GRIK1: variants seen among roughly 807,000 people sequenced by gnomAD.
The protein encoded by GRIK1 is glutamate ionotropic receptor kainate type subunit 1, also known as glutamate receptor ionotropic, kainate 1.
Under a neutral mutation model 105.7 loss-of-function variants are expected in GRIK1, and 69 were observed. The ratio of observed to expected loss-of-function variants is 0.65; its 90% CI spans 0.54 to 0.80. GRIK1 has a LOEUF of 0.80. Among genes scored for constraint, GRIK1 ranks in the 30% least tolerant of loss-of-function variants. GRIK1 has a pLI of 0.00. For missense variants in GRIK1, 1,109 were observed against 1,167.3 expected, an observed-to-expected ratio of 0.95 and a Z score of 0.73; for synonymous variants, 438 against 431.3, an observed-to-expected ratio of 1.02 and a Z score of -0.19.
intron 1 of GRIK1, among the ~76,000 whole-genome samples, chr21:29,784,122 C>G (rs2066197655): frequency 6.6e-6 from 1 of 152,114 alleles, no homozygotes; most frequent in Admixed American, 6.6e-5. Context: ...TGTTACGTAT[C>G]TTACCTTTTG....
rs892336819 is a variant in GRIK1 at position 29,589,000 on chromosome 21, A to G, written c.1408T>C (p.Tyr470His). Reference protein sequence around the residue: ...VMYRKSDKPLYGNDRFEGYCL... With the variant: ...VMYRKSDKPLHGNDRFEGYCL... ...TATCCTTCAAATCTGTCATTTCCAT[A>G]TAGAGGCTTATCAGATTTCCTGTAC... Residue 470 changes from tyrosine (Y) to histidine (H), a missense_variant, in exon 11 of 18, where the codon TAT becomes CAT. Transcript: ENST00000327783. The G allele has an allele frequency of 1.2e-6, 2 of 1,603,938 alleles. No homozygotes were observed. Among genetic ancestry groups the G allele is most frequent in the Non-Finnish European group, 1.7e-6 (2 of 1,170,702 alleles).
chr21:29,598,908 GA>G lies in GRIK1; in HGVS notation c.1127del (p.Ile376ThrfsTer9). ...EARWDGLTGH[I>X]TFNKTNGLRK... is the part of the protein sequence containing the mutation. ...TCAAGCCATTGGTTTTATTAAAGGT[GA>G]TATGCCCAGTCAAGCCATCCCACCG... On this transcript the variant is annotated frameshift_variant, in exon 8 of 18. Transcript: ENST00000327783. LOFTEE classifies it high-confidence loss of function. The G allele has an allele frequency of 6.3e-7, 1 of 1,589,596 alleles. No individual in the cohort carries two copies. Among genetic ancestry groups the G allele is most frequent in the Non-Finnish European group, 8.6e-7 (1 of 1,162,112 alleles).
At chr21:29,707,163 C>G (rs1817200686) in intron 1 of GRIK1, among the ~76,000 whole-genome samples, 3 of 152,158 alleles carry the variant, frequency 2.0e-5, no homozygotes, top group Non-Finnish European at 4.4e-5. Context: ...CGCGCCCGGG[C>G]TATTCCAGGC....
At chr21:29,682,093 A>G (rs571746320) in intron 3 of GRIK1, among the ~76,000 whole-genome samples, 7 of 152,288 alleles carry the variant, frequency 4.6e-5, no homozygotes, top group Admixed American at 2.0e-4. Context: ...TTGGAGAGAA[A>G]TGCAATTCAT....
chr21:29,593,805 C>CG (rs1261251215), intron 9 of GRIK1, among the ~76,000 whole-genome samples: 2 of 152,152 alleles, frequency 1.3e-5, no homozygotes, highest in African/African-American at 4.8e-5. Context: ...TGTTCAATAG[C>CG]CTAGCAATAT....
chr21:29,729,308 A>G (rs2064550831), intron 1 of GRIK1, among the ~76,000 whole-genome samples: 1 of 152,100 alleles, frequency 6.6e-6, no homozygotes, highest in African/African-American at 2.4e-5. Context: ...GTCAGCAGAA[A>G]AGTCAAAAAA....
intron 4 of GRIK1, among the ~76,000 whole-genome samples, chr21:29,667,356 A>G (rs1288669827): frequency 6.6e-6 from 1 of 152,226 alleles, no homozygotes; most frequent in African/African-American, 2.4e-5. Context: ...TTGTCATTGC[A>G]CTTTCTAGCA....
chr21:29,649,355 C>A (rs940691101), intron 6 of GRIK1, among the ~76,000 whole-genome samples: 1 of 152,134 alleles, frequency 6.6e-6, no homozygotes, highest in South Asian at 2.1e-4. Flanking sequence ...GTGAGCTACC[C>A]TCTTCTGCTC....
chr21:29,874,535 A>G (rs925880111), intron 1 of GRIK1, among the ~76,000 whole-genome samples: 5 of 152,158 alleles, frequency 3.3e-5, no homozygotes, highest in Admixed American at 6.5e-5. Flanking sequence ...ATGAAGCTTC[A>G]TTTGTTCGTC....
chr21:29,821,726 G>A (rs529166766), intron 1 of GRIK1, among the ~76,000 whole-genome samples: 1 of 151,932 alleles, frequency 6.6e-6, no homozygotes, highest in Non-Finnish European at 1.5e-5. Context: ...TATTGCAAAT[G>A]GTGCCATGTA....
At chr21:29,583,422 G>C (rs180801658) in intron 12 of GRIK1, among the ~76,000 whole-genome samples, 2 of 152,148 alleles carry the variant, frequency 1.3e-5, no homozygotes, top group South Asian at 4.2e-4. Flanking sequence ...AATAAATTAA[G>C]AGCCTAATGT....
intron 1 of GRIK1, among the ~76,000 whole-genome samples, chr21:29,920,393 C>G (rs537548003): frequency 2.0e-5 from 3 of 152,128 alleles, no homozygotes; most frequent in South Asian, 4.1e-4. Flanking sequence ...TATGCTGTTC[C>G]CCTAGTTGGA....
intron 4 of GRIK1, among the ~76,000 whole-genome samples, chr21:29,661,469 C>A (rs1050490373): frequency 1.3e-5 from 2 of 151,948 alleles, no homozygotes; most frequent in African/African-American, 4.8e-5. Context: ...AATGGGAATG[C>A]GTAAATAGAA....
chr21:29,572,323 G>A (rs780811873), intron 14 of GRIK1, among the ~76,000 whole-genome samples: 2 of 152,046 alleles, frequency 1.3e-5, no homozygotes, highest in African/African-American at 2.4e-5. Context: ...CGGTAAACTG[G>A]GTTGCTGGGC....
intron 1 of GRIK1, among the ~76,000 whole-genome samples, chr21:29,819,156 T>C: frequency 6.6e-6 from 1 of 152,152 alleles, no homozygotes; most frequent in East Asian, 1.9e-4. Flanking sequence ...TATATTGAAA[T>C]ACTATTCGAC....
intron 1 of GRIK1, among the ~76,000 whole-genome samples, chr21:29,818,237 G>T (rs1313014130): frequency 6.6e-6 from 1 of 152,024 alleles, no homozygotes; most frequent in African/African-American, 2.4e-5. Context: ...AATAATAAAT[G>T]TTGACAGACA....
At chr21:29,787,745 G>A (rs1015639603) in intron 1 of GRIK1, among the ~76,000 whole-genome samples, 4 of 152,302 alleles carry the variant, frequency 2.6e-5, no homozygotes, top group South Asian at 4.1e-4. Flanking sequence ...GTCCATTCCA[G>A]TGTGATGCAA....
At chr21:29,714,789 T>G (rs1046043543) in intron 1 of GRIK1, among the ~76,000 whole-genome samples, 1 of 148,398 alleles carries the variant, frequency 6.7e-6, no homozygotes, top group East Asian at 1.9e-4. Context: ...CCCTTGAGAT[T>G]CTTTATAAAT....
intron 1 of GRIK1, among the ~76,000 whole-genome samples, chr21:29,856,617 TAGA>T (rs2068472758): frequency 6.6e-6 from 1 of 152,196 alleles, no homozygotes; most frequent in Non-Finnish European, 1.5e-5. Context: ...ACCGATGATA[TAGA>T]AGGAGAAAAT....
Sources: allele counts gnomAD v4.1 joint callset (sites outside exome capture counted in the v4.1 genomes callset), GRCh38; gene constraint gnomAD v4.1.1; transcripts MANE v1.5; gene names NCBI Gene and HGNC (gene_info 2026-07-23, HGNC 2026-07-21).